Variants in SYT2 observed in about 807,000 individuals in gnomAD.
SYT2 encodes the protein synaptotagmin 2.
In SYT2, 15 loss-of-function variants were observed where a neutral mutation model predicts 39.9. The ratio of observed to expected loss-of-function variants is 0.38; its 90% CI spans 0.25 to 0.58. The LOEUF (loss-of-function observed/expected upper bound fraction) is 0.58, where lower values mean the gene tolerates loss of function less well. Among genes scored for constraint, SYT2 ranks in the 20% least tolerant of loss-of-function variants. The probability of loss-of-function intolerance (pLI) is 0.70; values close to 1 mark genes in which losing one functional copy is unlikely to be tolerated. For missense variants in SYT2, 389 were observed against 530.3 expected (o/e 0.73, Z 2.62); for synonymous variants, 181 against 204.5 (o/e 0.89, Z 0.98).
At chr1:202,631,841 T>TAAGG (rs1419719484) in intron 1 of SYT2, among the ~76,000 whole-genome samples, 4 of 151,962 alleles carry the variant, frequency 2.6e-5, no homozygotes, top group Admixed American at 2.6e-4. Context: ...AGGACTCAGG[T>TAAGG]AAGGGGACAC....
intron 1 of SYT2, among the ~76,000 whole-genome samples, chr1:202,705,078 C>T (rs1418451387): frequency 6.6e-6 from 1 of 152,270 alleles, no homozygotes; most frequent in Non-Finnish European, 1.5e-5. Context: ...TCTCGGGCTC[C>T]ATTTGCCATA....
Position 202,684,885 on chromosome 1 carries a change from C to G in SYT2, c.-18+25373G>C, listed in dbSNP as rs141721912. ...ACTTCTAGCACTGACACCCAACCCC[C>G]CTCTCTGGCACCTGATGCCCTCCAG... On this transcript the variant is annotated intron_variant, in intron 1 of 8. Coordinates refer to ENST00000367268, the MANE Select transcript of SYT2 (RefSeq NM_177402.5). Among the ~76,000 whole-genome samples, 402 of 152,328 alleles carry G rather than the reference C, an allele frequency of 2.6e-3. 1 individual carries two copies. The highest frequency in any genetic ancestry group is 4.6e-3 in the Non-Finnish European group (316 of 68,036).
chr1:202,639,007 T>C (rs1327976513), intron 1 of SYT2, among the ~76,000 whole-genome samples: 1 of 152,210 alleles, frequency 6.6e-6, no homozygotes, highest in African/African-American at 2.4e-5. Flanking sequence ...TTTGGTCTGT[T>C]GTCTTTCTGT....
intron 1 of SYT2, among the ~76,000 whole-genome samples, chr1:202,709,508 A>G (rs1048730352): frequency 1.3e-5 from 2 of 152,200 alleles, no homozygotes; most frequent in Admixed American, 6.5e-5. Flanking sequence ...CAAATGGGAA[A>G]GGTACATGGA....
chr1:202,629,997 C>T (rs1178400724), intron 1 of SYT2, among the ~76,000 whole-genome samples: 1 of 151,184 alleles, frequency 6.6e-6, no homozygotes, highest in African/African-American at 2.4e-5. Flanking sequence ...CTAGAAATAT[C>T]AGCATTTGGA....
At chr1:202,648,958 A>G (rs966996229) in intron 1 of SYT2, among the ~76,000 whole-genome samples, 3 of 152,232 alleles carry the variant, frequency 2.0e-5, no homozygotes, top group African/African-American at 7.2e-5. Flanking sequence ...CTGTCTCAAG[A>G]GCAAGCTCAC....
Position 202,623,595 on chromosome 1 carries a change from C to G in SYT2, c.-17-17806G>C, listed in dbSNP as rs950151873. ...CCCGGAATGAGTGATTGAGTGGGGA[C>G]AGATGGAGGCTTGGGGACCAGCGGG... On this transcript the variant is annotated intron_variant, in intron 1 of 8. Transcript: ENST00000367268. The surrounding 1 kb of genome is among the most constrained non-coding windows in gnomAD (Gnocchi z 4.2). Among the ~76,000 whole-genome samples the G allele has an allele frequency of 6.6e-6, 1 of 152,228 alleles. No individual in the cohort carries two copies. The highest frequency in any genetic ancestry group is 2.4e-5 in the African/African-American group (1 of 41,458).
intron 1 of SYT2, chr1:202,632,620 C>A (rs1691625754): frequency 2.0e-6 from 2 of 983,812 alleles, no homozygotes; most frequent in African/African-American, 3.5e-5. Flanking sequence ...AGGCTCGACT[C>A]TTCTCCAAGC....
chr1:202,654,777 C>A (rs1449247280), intron 1 of SYT2, among the ~76,000 whole-genome samples: 1 of 152,140 alleles, frequency 6.6e-6, no homozygotes, highest in African/African-American at 2.4e-5. Flanking sequence ...GGCCCTTGAA[C>A]TGAGGCTTGA....
chr1:202,700,112 T>C (rs980872449), intron 1 of SYT2, among the ~76,000 whole-genome samples: 11 of 152,110 alleles, frequency 7.2e-5, no homozygotes, highest in Non-Finnish European at 1.5e-4. Flanking sequence ...CACCCCTCTC[T>C]CCCAACTCCA....
intron 1 of SYT2, among the ~76,000 whole-genome samples, chr1:202,619,517 A>G (rs111761719): frequency 0.033 from 4,978 of 151,822 alleles, 299 homozygotes; most frequent in African/African-American, 0.11. Context: ...CTGCATCAAG[A>G]CCCCCTGGGG....
chr1:202,710,283 A>G lies in SYT2; in HGVS notation c.-43T>C, dbSNP rs1242306492. On this transcript the variant is annotated 5_prime_UTR_variant, in exon 1 of 9. Coordinates refer to ENST00000367268, the MANE Select transcript of SYT2 (RefSeq NM_177402.5). ...CGGAGAGCGACCCGAAGGAGGCGGG[A>G]GAGATCCGGGGTCTCCAATGTGAGG... The G allele has an allele frequency of 1.3e-5, 2 of 152,082 alleles. No individual in the cohort carries two copies. Among genetic ancestry groups the G allele is most frequent in the African/African-American group, 2.4e-5 (1 of 41,370 alleles). The allele number at this position is 152,082 out of a possible 1,614,324, so 9.4% of individuals were successfully genotyped here. A position where few individuals can be genotyped will look rare whatever the true frequency, so the allele number is the denominator to read the frequency against.
intron 1 of SYT2, among the ~76,000 whole-genome samples, chr1:202,675,820 C>A (rs1389219092): frequency 6.6e-6 from 1 of 152,204 alleles, no homozygotes; most frequent in Non-Finnish European, 1.5e-5. Context: ...TAGGGTCAAG[C>A]CACCTGTCAT....
intron 1 of SYT2, among the ~76,000 whole-genome samples, chr1:202,698,115 C>CCCG (rs202103079): frequency 1.3e-5 from 2 of 151,480 alleles, no homozygotes; most frequent in African/African-American, 4.8e-5. Context: ...TCTCACCACC[C>CCCG]CCCCAAGGAA....
chr1:202,669,757 C>CAAAA (rs796796757), intron 1 of SYT2, among the ~76,000 whole-genome samples: 25 of 84,188 alleles, frequency 3.0e-4, no homozygotes, highest in African/African-American at 1.0e-3. Flanking sequence ...GACCCTGTCT[C>CAAAA]AAAAAAAAAA....
Position 202,658,718 on chromosome 1 carries a change from C to T in SYT2, c.-18+51540G>A, listed in dbSNP as rs61820924. Among the ~76,000 whole-genome samples, 98 of 151,456 alleles carry T rather than the reference C, an allele frequency of 6.5e-4. 1 individual carries two copies. Among genetic ancestry groups the T allele is most frequent in the Non-Finnish European group, 1.2e-3 (79 of 67,870 alleles). On this transcript the variant is annotated intron_variant, in intron 1 of 8. Coordinates refer to ENST00000367268, the MANE Select transcript of SYT2 (RefSeq NM_177402.5). Reference sequence around the variant, plus strand: ...AAAGTCCTCATTTCCCAGGGAAATGCGCAGCCAAATGCTTTAAAAAAGGAG... The same window carrying T: ...AAAGTCCTCATTTCCCAGGGAAATGTGCAGCCAAATGCTTTAAAAAAGGAG...
At chr1:202,701,146 T>C (rs1224690630) in intron 1 of SYT2, among the ~76,000 whole-genome samples, 2 of 152,242 alleles carry the variant, frequency 1.3e-5, no homozygotes, top group African/African-American at 2.4e-5. Flanking sequence ...TTTTCCAAAA[T>C]TCTAATTTTT....
intron 1 of SYT2, among the ~76,000 whole-genome samples, chr1:202,621,831 G>A (rs923421048): frequency 4.6e-5 from 7 of 152,210 alleles, no homozygotes; most frequent in African/African-American, 1.7e-4. Context: ...GGATTCCCTT[G>A]GTGTGCCCCC....
chr1:202,643,025 C>T (rs1691964180), intron 1 of SYT2, among the ~76,000 whole-genome samples: 1 of 152,234 alleles, frequency 6.6e-6, no homozygotes, highest in African/African-American at 2.4e-5. Context: ...AGGACACCTC[C>T]CCCGGGTCTA....
Sources: gnomAD v4.1 joint callset for allele counts (sites outside exome capture counted in the v4.1 genomes callset) on GRCh38, gnomAD v4.1.1 for gene constraint, Gnocchi (gnomAD v3.1) non-coding constraint, MANE v1.5 for transcripts, NCBI Gene and HGNC (gene_info 2026-07-23, HGNC 2026-07-21) for gene names.